MCHR2: variants seen among roughly 807,000 people sequenced by gnomAD.
The protein encoded by MCHR2 is melanin concentrating hormone receptor 2.
Under a neutral mutation model 24.8 loss-of-function variants are expected in MCHR2, and 15 were observed. That is an observed-to-expected ratio of 0.60 (90% CI 0.40 to 0.93). The LOEUF (loss-of-function observed/expected upper bound fraction) is 0.93, where lower values mean the gene tolerates loss of function less well. MCHR2 is among the 40% of genes least tolerant of loss of function. The pLI is 0.00. For missense variants in MCHR2, 386 were observed against 408.7 expected, an observed-to-expected ratio of 0.94 and a Z score of 0.48; for synonymous variants, 151 against 147.6, an observed-to-expected ratio of 1.02 and a Z score of -0.17.
intron 5 of MCHR2, among the ~76,000 whole-genome samples, chr6:99,929,437 G>C (rs1399069150): frequency 6.6e-6 from 1 of 152,128 alleles, no homozygotes; most frequent in Admixed American, 6.5e-5. Context: ...TGACAGTAGG[G>C]TGTTAAAGTC....
intron 3 of MCHR2, among the ~76,000 whole-genome samples, chr6:99,945,090 T>C (rs554127188): frequency 6.6e-6 from 1 of 152,306 alleles, no homozygotes; most frequent in Non-Finnish European, 1.5e-5. Context: ...GACTCTACTT[T>C]TCCCTCCTAG....
At chr6:99,942,785 A>G (rs1185150332) in intron 4 of MCHR2, among the ~76,000 whole-genome samples, 164 bp downstream of exon 4, 1 of 152,158 alleles carries the variant, frequency 6.6e-6, no homozygotes, top group African/African-American at 2.4e-5. Flanking sequence ...CTCCTTAAAA[A>G]TCAAACTTAT....
chr6:99,935,440 A>G (rs1383660723), intron 4 of MCHR2, among the ~76,000 whole-genome samples: 3 of 151,954 alleles, frequency 2.0e-5, no homozygotes, highest in African/African-American at 7.2e-5. Flanking sequence ...TAGCTCCCAC[A>G]TATAAGTGAG....
intron 2 of MCHR2, among the ~76,000 whole-genome samples, chr6:99,954,082 C>A (rs1350325303): frequency 6.6e-6 from 1 of 152,154 alleles, no homozygotes; most frequent in East Asian, 1.9e-4. Context: ...TGTGAGGATT[C>A]TTTTATCTTT....
intron 1 of MCHR2, among the ~76,000 whole-genome samples, chr6:99,977,948 C>T (rs962169171): frequency 6.6e-6 from 1 of 152,112 alleles, no homozygotes; most frequent in Non-Finnish European, 1.5e-5. Context: ...CTAGTACAAA[C>T]AATGTAAATA....
Position 99,956,102 on chromosome 6 carries a change from A to G in MCHR2, c.46T>C (p.Leu16=), listed in dbSNP as rs1775054431. ...AACTCTTTATTCCAGGATTTGTTTA[A>G]AAGTTCGGCAGAGGTGTTCCAACAA... ...ASCWNTSAEL[L]NKSWNKEFAY... Residue 16 remains leucine (L), a synonymous_variant, in exon 2 of 6, where the codon TTA becomes CTA. Transcript: ENST00000281806. 1 of 1,613,332 alleles carries G rather than the reference A, an allele frequency of 6.2e-7. No individual in the cohort carries two copies. Among genetic ancestry groups the G allele is most frequent in the Admixed American group, 1.7e-5 (1 of 59,936 alleles).
chr6:99,921,352 T>C, intron 5 of MCHR2, 97 bp from the exon 6 acceptor site: 2 of 1,018,954 alleles, frequency 2.0e-6, no homozygotes, highest in Non-Finnish European at 2.9e-6. Flanking sequence ...ATAATGGCTT[T>C]GTAGTGAAAT....
At chr6:99,970,937 C>G (rs1775403141) in intron 1 of MCHR2, among the ~76,000 whole-genome samples, 1 of 152,126 alleles carries the variant, frequency 6.6e-6, no homozygotes, top group South Asian at 2.1e-4. Flanking sequence ...GTTTTGGTAC[C>G]AGTACCATGC....
intron 1 of MCHR2, among the ~76,000 whole-genome samples, chr6:99,979,655 A>C (rs1775626538): frequency 6.6e-6 from 1 of 152,204 alleles, no homozygotes; most frequent in African/African-American, 2.4e-5. Context: ...TGGCTACTAA[A>C]AAATTTAAGA....
chr6:99,978,408 G>A (rs936317719), intron 1 of MCHR2, among the ~76,000 whole-genome samples: 1 of 149,002 alleles, frequency 6.7e-6, no homozygotes, highest in Non-Finnish European at 1.5e-5. Flanking sequence ...GAGGCTATGG[G>A]AGGTCAAGAC....
intron 3 of MCHR2, among the ~76,000 whole-genome samples, chr6:99,946,819 T>C (rs1774880516): frequency 6.6e-6 from 1 of 152,172 alleles, no homozygotes; most frequent in African/African-American, 2.4e-5. Context: ...TTTAAGTGGG[T>C]TGTCCTAGAA....
intron 1 of MCHR2, among the ~76,000 whole-genome samples, chr6:99,984,527 T>C (rs888943691): frequency 1.1e-4 from 16 of 152,034 alleles, no homozygotes; most frequent in Non-Finnish European, 8.8e-5. Context: ...AGATAACATC[T>C]TTTAGTTCTT....
intron 4 of MCHR2, among the ~76,000 whole-genome samples, chr6:99,937,385 A>T (rs1774683817): frequency 6.6e-6 from 1 of 151,974 alleles, no homozygotes; most frequent in Admixed American, 6.6e-5. Context: ...TGTTCCTTTT[A>T]TAACCAGTTT....
At chr6:99,941,435 G>T (rs528443126) in intron 4 of MCHR2, among the ~76,000 whole-genome samples, 1 of 152,200 alleles carries the variant, frequency 6.6e-6, no homozygotes, top group Non-Finnish European at 1.5e-5. Flanking sequence ...GGAACTGGAA[G>T]TGCAGTCCTA....
intron 1 of MCHR2, among the ~76,000 whole-genome samples, chr6:99,958,967 T>C (rs1775124833): frequency 6.6e-6 from 1 of 152,168 alleles, no homozygotes; most frequent in African/African-American, 2.4e-5. Context: ...AGCTGGGCAG[T>C]GTGCTGCTGC....
chr6:99,959,079 T>C (rs1189919517), intron 1 of MCHR2, among the ~76,000 whole-genome samples: 1 of 152,060 alleles, frequency 6.6e-6, no homozygotes, highest in Non-Finnish European at 1.5e-5. Context: ...TTCTGGCTTT[T>C]GGGGGGTTTC....
At chr6:99,949,203 A>C (rs1474664871) in intron 2 of MCHR2, among the ~76,000 whole-genome samples, 2 of 152,216 alleles carry the variant, frequency 1.3e-5, no homozygotes, top group Non-Finnish European at 2.9e-5. Context: ...GTTGTGCTCT[A>C]AGGCTGTAAA....
At chr6:99,961,738 G>A (rs983460934) in intron 1 of MCHR2, among the ~76,000 whole-genome samples, 1 of 151,978 alleles carries the variant, frequency 6.6e-6, no homozygotes, top group African/African-American at 2.4e-5. Context: ...GATAGCATTA[G>A]GATAAATACC....
At chr6:99,941,297 T>C (rs1562122035) in intron 4 of MCHR2, among the ~76,000 whole-genome samples, 1 of 151,326 alleles carries the variant, frequency 6.6e-6, no homozygotes, top group East Asian at 1.9e-4. Context: ...TCCACATATT[T>C]GAGTTCTGGA....
Sources: allele counts gnomAD v4.1 joint callset (sites outside exome capture counted in the v4.1 genomes callset), GRCh38; gene constraint gnomAD v4.1.1; transcripts MANE v1.5; gene names NCBI Gene and HGNC (gene_info 2026-07-23, HGNC 2026-07-21).